H1-8: variants seen among roughly 807,000 people sequenced by gnomAD.
H1-8 encodes histone H1.8.
H1-8 carries 13 observed loss-of-function variants against 19.5 expected under a neutral mutation model. That is an observed-to-expected ratio of 0.67 (90% CI 0.43 to 1.06). H1-8 has a LOEUF of 1.06. Among genes scored for constraint, H1-8 ranks in the 50% least tolerant of loss-of-function variants. The probability of loss-of-function intolerance (pLI) is 0.00; values close to 1 mark genes in which losing one functional copy is unlikely to be tolerated. For missense variants in H1-8, 432 were observed against 459.8 expected (o/e 0.94, Z 0.55); for synonymous variants, 193 against 187.6 (o/e 1.03, Z -0.24).
At chr3:129,544,289 T>C (rs2084872282) in intron 1 of H1-8, among the ~76,000 whole-genome samples, 1 of 151,812 alleles carries the variant, frequency 6.6e-6, no homozygotes. Context: ...TCAACTTTTA[T>C]CTTGAACAGG....
rs746495094 is a variant in H1-8 at position 129,551,201 on chromosome 3, C to T, written c.902C>T (p.Ala301Val). 3.1e-6 allele frequency: 5 copies of T among 1,614,248 alleles called. No homozygotes were observed. In the Admixed American group the frequency reaches 6.7e-5, roughly 22 times the overall value. ...CAGGGGCCAAACACCAAGGCTGCTGCTCCTGCTAAGGGCAGTGGGTCCAAG... is the reference window on the plus strand; with the variant it reads ...CAGGGGCCAAACACCAAGGCTGCTGTTCCTGCTAAGGGCAGTGGGTCCAAG... ...AGQGPNTKAA[A>V]PAKGSGSKVV... is the part of the protein sequence containing the mutation. The change falls in exon 5 of 5, where the codon GCT (alanine) becomes GTT (valine). Residue 301 changes from alanine (A) to valine (V), a missense_variant. Transcript: ENST00000324382.
intron 1 of H1-8, among the ~76,000 whole-genome samples, chr3:129,544,180 C>T (rs1234422067): frequency 1.3e-5 from 2 of 152,114 alleles, no homozygotes; most frequent in Admixed American, 6.5e-5. Context: ...GCACCAGCAG[C>T]TTGTCTCGGA....
At chr3:129,545,524 A>G (rs1156531472) in intron 1 of H1-8, among the ~76,000 whole-genome samples, 3 of 152,176 alleles carry the variant, frequency 2.0e-5, no homozygotes, top group African/African-American at 7.2e-5. Context: ...TTGTGTATCC[A>G]TCTCTATAAT....
At position 129,550,749 on chromosome 3, in the gene H1-8, T is replaced by A; in HGVS notation, c.747T>A (p.Asp249Glu). ...KAKGSRSSQG[D>E]AEAYRKTKAE... is the part of the protein sequence containing the mutation. ...ACCTCCTCCATCAAATTCCAGGAGATGCTGAGGCCTACAGGAAAACCAAAG... is the reference window on the plus strand; with the variant it reads ...ACCTCCTCCATCAAATTCCAGGAGAAGCTGAGGCCTACAGGAAAACCAAAG... The change falls in exon 4 of 5, where the codon GAT (aspartate) becomes GAA (glutamate). Residue 249 changes from aspartate (D) to glutamate (E), a missense_variant. Coordinates refer to ENST00000324382, the MANE Select transcript of H1-8 (RefSeq NM_153833.3). 4 of 1,613,936 alleles carry A rather than the reference T, an allele frequency of 2.5e-6. No individual in the cohort carries two copies. The highest frequency in any genetic ancestry group is 3.4e-6 in the Non-Finnish European group (4 of 1,179,840).
At chr3:129,550,200 A>G (rs528839702) in intron 3 of H1-8, among the ~76,000 whole-genome samples, 3 of 152,258 alleles carry the variant, frequency 2.0e-5, no homozygotes, top group East Asian at 3.9e-4. Flanking sequence ...CCCAGGAATT[A>G]GAGACCAATC....
intron 3 of H1-8, among the ~76,000 whole-genome samples, chr3:129,550,307 C>T (rs956494653): frequency 2.6e-5 from 4 of 152,150 alleles, no homozygotes; most frequent in Non-Finnish European, 4.4e-5. Context: ...GAGGCTGAGG[C>T]AGGAGGATCG....
At chr3:129,550,707 CCTT>C in intron 3 of H1-8, 35 bp from the exon 4 acceptor site, 4 of 1,587,928 alleles carry the variant, frequency 2.5e-6, no homozygotes, top group Admixed American at 1.7e-5. Flanking sequence ...AGCAGTTCCT[CCTT>C]CTTCCCCTAT....
rs374554569 is a variant in H1-8 at position 129,549,090 on chromosome 3, C to T, written c.468C>T (p.Gly156=). 4 of 1,607,140 alleles carry T rather than the reference C, an allele frequency of 2.5e-6. No individual in the cohort carries two copies. Among genetic ancestry groups the T allele is most frequent in the Non-Finnish European group, 3.4e-6 (4 of 1,176,266 alleles). Residue 156 remains glycine, a synonymous_variant, in exon 3 of 5, where the codon GGC becomes GGT. Transcript: ENST00000324382. The part of the protein sequence containing the change: ...PRRAGEAKGK[G]PKKPSEAKED... ...GAGCGGGTGAGGCCAAGGGGAAGGG[C>T]CCCAAGAAACCAAGTGAGGCCAAGG...
intron 2 of H1-8, chr3:129,548,435 G>A (rs766696033): frequency 1.8e-4 from 182 of 987,006 alleles, no homozygotes; most frequent in Non-Finnish European, 2.1e-4. Flanking sequence ...CCAGAGGGGC[G>A]TCAGGTGTCT....
chr3:129,546,942 G>C (rs1234550048), intron 1 of H1-8, among the ~76,000 whole-genome samples: 1 of 152,224 alleles, frequency 6.6e-6, no homozygotes, highest in Non-Finnish European at 1.5e-5. Flanking sequence ...GCTCAAGCCT[G>C]TAATCCCAGC....
Position 129,543,195 on chromosome 3 carries a change from C to G in H1-8, c.-24C>G. On this transcript the variant is annotated 5_prime_UTR_variant, in exon 1 of 5. Coordinates refer to ENST00000324382, the MANE Select transcript of H1-8 (RefSeq NM_153833.3). ...GCAGCCTCACACCCGGGTGAGGGGT[C>G]TGCTGGCTGCACCTGTCGGTCTCAT... 6.3e-7 allele frequency: 1 copy of G among 1,594,456 alleles called. No individual in the cohort carries two copies. The highest frequency in any genetic ancestry group is 8.6e-7 in the Non-Finnish European group (1 of 1,166,262).
At position 129,547,443 on chromosome 3, in the gene H1-8, G is replaced by A. The variant is rs1327803702; in HGVS notation, c.141G>A (p.Pro47=). Residue 47 remains proline (P), a synonymous_variant, in exon 2 of 5, where the codon CCG becomes CCA. Transcript: ENST00000324382. ...GAGGCCCGAGCCACAGCAGCCTCCC[G>A]GTGGGACGCCGCCACCCCCCGGTGC... ...PPGGPSHSSL[P]VGRRHPPVLR... is the part of the protein sequence containing the mutation. 9 of 1,404,882 alleles carry A rather than the reference G, an allele frequency of 6.4e-6. No individual in the cohort carries two copies. Among genetic ancestry groups the A allele is most frequent in the South Asian group, 4.9e-5 (4 of 81,458 alleles). 87.0% of individuals were successfully genotyped at this position (1,404,882 alleles called of 1,614,324 possible).
intron 3 of H1-8, among the ~76,000 whole-genome samples, chr3:129,550,082 G>A (rs1416411006): frequency 6.6e-6 from 1 of 152,198 alleles, no homozygotes; most frequent in Non-Finnish European, 1.5e-5. Context: ...ACAATGCAGA[G>A]CTGTGGAAGG....
intron 1 of H1-8, among the ~76,000 whole-genome samples, chr3:129,543,830 G>A (rs996834101): frequency 1.3e-5 from 2 of 152,236 alleles, no homozygotes; most frequent in African/African-American, 4.8e-5. Flanking sequence ...GTTTGCTAAT[G>A]TGATGTGTGC....
chr3:129,549,716 G>T (rs1168453887), intron 3 of H1-8, among the ~76,000 whole-genome samples: 1 of 152,010 alleles, frequency 6.6e-6, no homozygotes, highest in Non-Finnish European at 1.5e-5. Flanking sequence ...CACTTTGGGA[G>T]GCCAAGGCGG....
chr3:129,546,944 A>T (rs1054113448), intron 1 of H1-8, among the ~76,000 whole-genome samples: 5 of 152,242 alleles, frequency 3.3e-5, no homozygotes, highest in Non-Finnish European at 7.3e-5. Flanking sequence ...TCAAGCCTGT[A>T]ATCCCAGCAC....
intron 4 of H1-8, 142 bp from the exon 5 acceptor site, chr3:129,550,965 G>T: frequency 1.1e-6 from 1 of 949,446 alleles, no homozygotes; most frequent in Non-Finnish European, 1.6e-6. Context: ...TGGTCCCCTG[G>T]CACCCTGGGG....
chr3:129,550,676 C>T, intron 3 of H1-8, 69 bp from the exon 4 acceptor site: 1 of 1,351,724 alleles, frequency 7.4e-7, no homozygotes, highest in South Asian at 1.2e-5. Context: ...TTCTAGAGCC[C>T]CTGAAACTTC....
At chr3:129,547,268 G>C (rs2084895347) in intron 1 of H1-8, 123 bp from the exon 2 acceptor site, 1 of 977,922 alleles carries the variant, frequency 1.0e-6, no homozygotes, top group Admixed American at 3.0e-5. Context: ...CCAGCGGTCA[G>C]TGTCTTGGGG....
Sources: gnomAD v4.1 joint callset for allele counts (sites outside exome capture counted in the v4.1 genomes callset) on GRCh38, gnomAD v4.1.1 for gene constraint, MANE v1.5 for transcripts, NCBI Gene and HGNC (gene_info 2026-07-23, HGNC 2026-07-21) for gene names.